Variants in SKAP1 observed in about 807,000 individuals in gnomAD.
SKAP1 encodes the protein src kinase-associated phosphoprotein 1.
Under a neutral mutation model 58.5 loss-of-function variants are expected in SKAP1, and 44 were observed. The ratio of observed to expected loss-of-function variants is 0.75; its 90% confidence interval spans 0.59 to 0.97. SKAP1 has a LOEUF of 0.97. Among genes scored for constraint, SKAP1 ranks in the 50% least tolerant of loss-of-function variants. SKAP1 has a pLI of 0.00. For synonymous variants in SKAP1, 127 were observed against 149.7 expected (o/e 0.85, Z 1.11); for missense variants, 390 against 435.2 (o/e 0.90, Z 0.92).
rs575262157 is a variant in SKAP1 at position 48,371,974 on chromosome 17, A to T, written c.153-8160T>A. 3.3e-5 allele frequency among the ~76,000 whole-genome samples: 5 copies of T among 152,232 alleles called. No individual in the cohort carries two copies. In the East Asian group the frequency reaches 9.6e-4, roughly 29 times the overall value. ...TATACACATATACATATGCATATAC[A>T]TCATATATATTTTTTTGAGACAGAG... On this transcript the variant is annotated intron_variant, in intron 2 of 12. Transcript: ENST00000336915.
At chr17:48,180,394 T>C (rs1055874736) in intron 8 of SKAP1, 146 bp from the exon 9 acceptor site, 1 of 664,674 alleles carries the variant, frequency 1.5e-6, no homozygotes, top group Non-Finnish European at 2.4e-6. Flanking sequence ...TTATTTCTAA[T>C]GTGGGCTTTG....
rs912873469 is a variant in SKAP1 at position 48,170,578 on chromosome 17, C to T, written c.877+31G>A. 11 of 1,593,346 alleles carry T rather than the reference C, an allele frequency of 6.9e-6. No individual in the cohort carries two copies. The Admixed American group carries it at 1.3e-4, about 19-fold the overall frequency. ...TAATCAGAAGCCCATAATGTCCTACCCAGTGCCTGTGCATTTAGAAGCTCT... is the reference window on the plus strand; with the variant it reads ...TAATCAGAAGCCCATAATGTCCTACTCAGTGCCTGTGCATTTAGAAGCTCT... On this transcript the variant is annotated intron_variant, in intron 10 of 12. Transcript: ENST00000336915.
At chr17:48,241,283 A>C (rs947470284) in intron 4 of SKAP1, among the ~76,000 whole-genome samples, 2 of 152,110 alleles carry the variant, frequency 1.3e-5, no homozygotes, top group African/African-American at 4.8e-5. Context: ...AAGAGGCCTG[A>C]TGAATCTCCA....
intron 4 of SKAP1, among the ~76,000 whole-genome samples, chr17:48,292,702 G>T (rs1486563836): frequency 1.3e-5 from 2 of 152,002 alleles, no homozygotes; most frequent in African/African-American, 4.8e-5. Context: ...CTGAATTTTG[G>T]GCATGGGGAG....
At chr17:48,298,732 T>C (rs953293246) in intron 4 of SKAP1, among the ~76,000 whole-genome samples, 2 of 152,192 alleles carry the variant, frequency 1.3e-5, no homozygotes, top group Non-Finnish European at 2.9e-5. Flanking sequence ...TTAATCACTA[T>C]GGGATGAGAT....
intron 9 of SKAP1, among the ~76,000 whole-genome samples, chr17:48,179,465 A>T (rs2064338164): frequency 6.6e-6 from 1 of 152,194 alleles, no homozygotes; most frequent in African/African-American, 2.4e-5. Flanking sequence ...AAGGAAATAT[A>T]TTGAGTAGAC....
At position 48,320,340 on chromosome 17, in the gene SKAP1, T is replaced by C. The variant is rs987166003; in HGVS notation, c.280+25565A>G. ...CAGTAATATTATCTTAAGATTAAACTGATACTTCTAGACAAGGATGTCTTT... is the reference window on the plus strand; with the variant it reads ...CAGTAATATTATCTTAAGATTAAACCGATACTTCTAGACAAGGATGTCTTT... On this transcript the variant is annotated intron_variant, in intron 4 of 12. Transcript: ENST00000336915. Among the ~76,000 whole-genome samples the C allele has an allele frequency of 4.6e-5, 7 of 152,312 alleles. No homozygotes were observed. The East Asian group carries it at 1.3e-3, about 29-fold the overall frequency.
chr17:48,349,138 G>A (rs2066762965), intron 3 of SKAP1, among the ~76,000 whole-genome samples: 1 of 152,226 alleles, frequency 6.6e-6, no homozygotes, highest in Non-Finnish European at 1.5e-5. Flanking sequence ...TACTGAGGAT[G>A]CATGGGTGAA....
chr17:48,165,326 C>T (rs2064123024), intron 10 of SKAP1, among the ~76,000 whole-genome samples: 1 of 152,056 alleles, frequency 6.6e-6, no homozygotes, highest in Non-Finnish European at 1.5e-5. Context: ...CCTAAACCTG[C>T]CCAACTCATC....
At chr17:48,432,922 A>G (rs1046174192), upstream of SKAP1, among the ~76,000 whole-genome samples, 2 of 152,234 alleles carry the variant, frequency 1.3e-5, no homozygotes, top group African/African-American at 2.4e-5. Flanking sequence ...CAGTGTACGT[A>G]TTCTATATGC....
At chr17:48,434,284 G>T (rs377236361), upstream of SKAP1, among the ~76,000 whole-genome samples, 1 of 152,204 alleles carries the variant, frequency 6.6e-6, no homozygotes, top group Non-Finnish European at 1.5e-5. Context: ...CAAGAACCAG[G>T]CTCACTGTAT....
In SKAP1 at chr17:48,430,105, G is replaced by A; in HGVS notation, c.16C>T (p.Leu6Phe). 10 of 1,263,494 alleles carry A rather than the reference G, an allele frequency of 7.9e-6. No individual in the cohort carries two copies. Among genetic ancestry groups the A allele is most frequent in the Non-Finnish European group, 1.0e-5 (10 of 996,546 alleles). The allele number at this position is 1,263,494 out of a possible 1,614,324, so 78.3% of individuals were successfully genotyped here. MQAAA[L>F]PEEIRWLLED... ...AGGAGCCAACGGATCTCCTCAGGGA[G>A]GGCGGCGGCCTGCATTTGGCTGGGC... Residue 6 changes from leucine (L) to phenylalanine (F), a missense_variant, in exon 1 of 13, where the codon CTC becomes TTC. Coordinates refer to ENST00000336915, the MANE Select transcript of SKAP1 (RefSeq NM_003726.4).
chr17:48,329,729 A>G (rs71377356), intron 4 of SKAP1, among the ~76,000 whole-genome samples: 1 of 152,138 alleles, frequency 6.6e-6, no homozygotes, highest in African/African-American at 2.4e-5. Context: ...AAAACAAAAA[A>G]CAATCAATGC....
chr17:48,269,946 C>T (rs1398589499), intron 4 of SKAP1, among the ~76,000 whole-genome samples: 1 of 151,978 alleles, frequency 6.6e-6, no homozygotes, highest in Non-Finnish European at 1.5e-5. Context: ...AACCCTGTCT[C>T]TACTAAAAAT....
At chr17:48,179,596 T>G (rs2143446735) in intron 9 of SKAP1, among the ~76,000 whole-genome samples, 1 of 152,306 alleles carries the variant, frequency 6.6e-6, no homozygotes, top group South Asian at 2.1e-4. Context: ...ACTATCAAGG[T>G]TTGGTCTATC....
intron 4 of SKAP1, among the ~76,000 whole-genome samples, chr17:48,190,857 C>G (rs1322846596): frequency 6.6e-6 from 1 of 152,086 alleles, no homozygotes; most frequent in Non-Finnish European, 1.5e-5. Context: ...TGGTGGCACA[C>G]ACCTGTAATC....
chr17:48,133,922 C>T (rs1270568955), intron 12 of SKAP1, 106 bp from the exon 13 acceptor site: 3 of 152,230 alleles, frequency 2.0e-5, no homozygotes, highest in Non-Finnish European at 4.4e-5. Flanking sequence ...CACAGTTTCT[C>T]TGTCCTTGGA....
intron 4 of SKAP1, among the ~76,000 whole-genome samples, chr17:48,221,484 A>T (rs904656928): frequency 6.6e-6 from 1 of 152,212 alleles, no homozygotes; most frequent in Non-Finnish European, 1.5e-5. Context: ...ATTACTTTTT[A>T]AAAATCCTAG....
intron 4 of SKAP1, among the ~76,000 whole-genome samples, chr17:48,250,654 G>A (rs141282242): frequency 3.3e-5 from 5 of 151,350 alleles, no homozygotes; most frequent in South Asian, 2.1e-4. Context: ...CGATCTTCTC[G>A]TTTTTCTAAA....
Sources: allele counts gnomAD v4.1 joint callset (sites outside exome capture counted in the v4.1 genomes callset), GRCh38; gene constraint gnomAD v4.1.1; transcripts MANE v1.5; gene names NCBI Gene and HGNC (gene_info 2026-07-23, HGNC 2026-07-21).